The following ADARB2 variants were observed in gnomAD, a reference collection of about 807,000 sequenced individuals.
ADARB2 encodes the protein adenosine deaminase RNA specific B2 (inactive), also known as inactive double-stranded RNA-specific editase B2.
In ADARB2, 25 loss-of-function variants were observed where a neutral mutation model predicts 62.2. That is an observed-to-expected ratio of 0.40 (90% CI 0.29 to 0.56). The LOEUF (loss-of-function observed/expected upper bound fraction) is 0.56. Among genes scored for constraint, ADARB2 ranks in the 20% least tolerant of loss-of-function variants. The pLI, the probability that ADARB2 is intolerant of heterozygous loss-of-function variation, is 0.43. For missense variants in ADARB2, 1,071 were observed against 1,077.4 expected (o/e 0.99, Z 0.08); for synonymous variants, 572 against 500.8 (o/e 1.14, Z -1.90).
At chr10:1,540,404 A>G (rs1376923477) in intron 1 of ADARB2, among the ~76,000 whole-genome samples, 1 of 127,276 alleles carries the variant, frequency 7.9e-6, no homozygotes, top group African/African-American at 2.7e-5. Context: ...CGTGAGTCTC[A>G]CCTGCGGCCT....
chr10:1,469,250 C>T (rs1017255651), intron 1 of ADARB2, among the ~76,000 whole-genome samples: 1 of 152,230 alleles, frequency 6.6e-6, no homozygotes, highest in Non-Finnish European at 1.5e-5. Context: ...CAAAGCACCG[C>T]GGTCTGCGCA....
intron 3 of ADARB2, among the ~76,000 whole-genome samples, chr10:1,356,977 G>A (rs537611077): frequency 6.6e-6 from 1 of 152,290 alleles, no homozygotes; most frequent in South Asian, 2.1e-4. Context: ...TTTTAACCCC[G>A]GATTCCTGGG....
intron 1 of ADARB2, among the ~76,000 whole-genome samples, chr10:1,576,698 G>T (rs938129175): frequency 3.3e-5 from 5 of 152,198 alleles, no homozygotes; most frequent in Admixed American, 3.3e-4. Flanking sequence ...CCTCCAGTTG[G>T]AGATGGAGCA....
chr10:1,468,092 T>G (rs1255691407), intron 1 of ADARB2, among the ~76,000 whole-genome samples: 1 of 152,268 alleles, frequency 6.6e-6, no homozygotes, highest in Non-Finnish European at 1.5e-5. Context: ...CTATATGACA[T>G]TGTCAGGATC....
intron 1 of ADARB2, among the ~76,000 whole-genome samples, chr10:1,681,049 C>T (rs746560570): frequency 6.6e-6 from 1 of 152,088 alleles, no homozygotes; most frequent in African/African-American, 2.4e-5. Flanking sequence ...CTTAAATGGG[C>T]CTGAGAGAAG....
chr10:1,514,868 T>G (rs185993291), intron 1 of ADARB2, among the ~76,000 whole-genome samples: 2 of 152,062 alleles, frequency 1.3e-5, no homozygotes, highest in Non-Finnish European at 2.9e-5. Flanking sequence ...CAGGATGGAG[T>G]GGAGCCCTCT....
chr10:1,568,503 G>A (rs1832887132), intron 1 of ADARB2, among the ~76,000 whole-genome samples: 1 of 150,850 alleles, frequency 6.6e-6, no homozygotes, highest in Non-Finnish European at 1.5e-5. Context: ...TATTTGCCAA[G>A]TTAATAGTTT....
In ADARB2 at chr10:1,420,294, G is replaced by A. The variant is rs147283396; in HGVS notation, c.101-41134C>T. 1.4e-3 allele frequency among the ~76,000 whole-genome samples: 211 copies of A among 152,300 alleles called. 1 individual carries two copies. The highest frequency in any genetic ancestry group is 4.8e-3 in the African/African-American group (199 of 41,548). ...GTTACTTTGTAAGTATTTTTACATGGACAGCTACGTGTAAGGCTGACAAAG... is the reference window on the plus strand; with the variant it reads ...GTTACTTTGTAAGTATTTTTACATGAACAGCTACGTGTAAGGCTGACAAAG... On this transcript the variant is annotated intron_variant, in intron 1 of 9. Transcript: ENST00000381312.
chr10:1,534,652 C>T (rs1046392682), intron 1 of ADARB2: 1 of 154,626 alleles, frequency 6.5e-6, no homozygotes, highest in Non-Finnish European at 1.5e-5. Context: ...GGTCTCATTT[C>T]CGGATGCTGC....
At chr10:1,671,752 C>G (rs565214490) in intron 1 of ADARB2, among the ~76,000 whole-genome samples, 2 of 152,068 alleles carry the variant, frequency 1.3e-5, no homozygotes, top group African/African-American at 4.8e-5. Flanking sequence ...CAATAAGAGA[C>G]GCTCCATACG....
intron 1 of ADARB2, among the ~76,000 whole-genome samples, chr10:1,474,094 G>A (rs1045750704): frequency 3.3e-5 from 5 of 151,530 alleles, no homozygotes; most frequent in East Asian, 2.0e-4. Context: ...CCTGCTCTTC[G>A]GTTGCTGGCA....
chr10:1,524,059 AAGATAGATAGATAGATAGAT>A (rs34113585), intron 1 of ADARB2, among the ~76,000 whole-genome samples: 3 of 134,834 alleles, frequency 2.2e-5, no homozygotes, highest in African/African-American at 5.1e-5. Context: ...TGGGGATATG[AAGATAGATAGATAGATAGAT>A]AGATAGATAG....
chr10:1,534,161 G>A (rs560352781), intron 1 of ADARB2, among the ~76,000 whole-genome samples: 1 of 150,000 alleles, frequency 6.7e-6, no homozygotes, highest in South Asian at 2.1e-4. Flanking sequence ...TTTTGAGAAG[G>A]AGTTTCACTT....
chr10:1,325,796 C>T (rs1831839419), intron 3 of ADARB2, among the ~76,000 whole-genome samples: 1 of 152,148 alleles, frequency 6.6e-6, no homozygotes, highest in African/African-American at 2.4e-5. Context: ...TGGGCACCTG[C>T]ACTTCTGAAA....
intron 1 of ADARB2, among the ~76,000 whole-genome samples, chr10:1,551,296 G>A (rs1030769191): frequency 6.6e-6 from 1 of 152,136 alleles, no homozygotes; most frequent in Admixed American, 6.5e-5. Context: ...GTCTATTATT[G>A]AAGCCACCTG....
chr10:1,715,032 G>A (rs918517771), intron 1 of ADARB2, among the ~76,000 whole-genome samples: 1 of 129,714 alleles, frequency 7.7e-6, no homozygotes, highest in African/African-American at 3.0e-5. Flanking sequence ...TCCCCGGTGT[G>A]TGATGTTCCC....
intron 1 of ADARB2, among the ~76,000 whole-genome samples, chr10:1,443,718 G>T (rs1025637844): frequency 2.0e-5 from 3 of 151,988 alleles, no homozygotes; most frequent in African/African-American, 7.3e-5. Flanking sequence ...GAGAATAAAA[G>T]GTTCAAGAGT....
intron 1 of ADARB2, among the ~76,000 whole-genome samples, chr10:1,571,107 A>T (rs1180713173): frequency 1.3e-5 from 2 of 152,164 alleles, no homozygotes; most frequent in African/African-American, 2.4e-5. Flanking sequence ...TCTAAGAATA[A>T]TTTTTAATGC....
At chr10:1,356,398 C>A (rs1467962067) in intron 3 of ADARB2, among the ~76,000 whole-genome samples, 1 of 152,196 alleles carries the variant, frequency 6.6e-6, no homozygotes, top group African/African-American at 2.4e-5. Flanking sequence ...CCTGGGGACC[C>A]ACCCCCTGGA....
Sources: gnomAD v4.1 joint callset for allele counts (sites outside exome capture counted in the v4.1 genomes callset) on GRCh38, gnomAD v4.1.1 for gene constraint, MANE v1.5 for transcripts, NCBI Gene and HGNC (gene_info 2026-07-23, HGNC 2026-07-21) for gene names.